The following SYT16 variants were observed in gnomAD, a reference collection of about 807,000 sequenced individuals.
SYT16 encodes the protein synaptotagmin 16.
Under a neutral mutation model 61.4 loss-of-function variants are expected in SYT16, and 42 were observed. The ratio of observed to expected loss-of-function variants is 0.68; its 90% CI spans 0.53 to 0.89. The LOEUF (loss-of-function observed/expected upper bound fraction) is 0.89, where lower values mean the gene tolerates loss of function less well. Ranked by LOEUF, SYT16 falls within the 40% of genes least tolerant of loss-of-function variation. The pLI, the probability that SYT16 is intolerant of heterozygous loss-of-function variation, is 0.00. For missense variants in SYT16, 804 were observed against 807.3 expected, an observed-to-expected ratio of 1.00 and a Z score of 0.05; for synonymous variants, 314 against 302.3, an observed-to-expected ratio of 1.04 and a Z score of -0.40.
At chr14:61,910,515 G>A (rs559909478) in intron 1 of SYT16, among the ~76,000 whole-genome samples, 1 of 131,202 alleles carries the variant, frequency 7.6e-6, no homozygotes, top group African/African-American at 2.8e-5. Flanking sequence ...CTGAGCCGCC[G>A]CATCCCGCTG....
At chr14:62,087,061 G>A (rs928063295) in intron 7 of SYT16, among the ~76,000 whole-genome samples, 1 of 152,176 alleles carries the variant, frequency 6.6e-6, no homozygotes, top group Non-Finnish European at 1.5e-5. Context: ...GATGTCGACG[G>A]CCTTGGTTTT....
At chr14:61,921,765 G>C (rs1193414569) in intron 1 of SYT16, among the ~76,000 whole-genome samples, 1 of 152,176 alleles carries the variant, frequency 6.6e-6, no homozygotes, top group Non-Finnish European at 1.5e-5. Context: ...AACCCAGCAA[G>C]AGAGAGTGGA....
chr14:61,869,257 A>G (rs1014395757), intron 1 of SYT16, among the ~76,000 whole-genome samples: 10 of 151,932 alleles, frequency 6.6e-5, no homozygotes, highest in African/African-American at 2.4e-4. Context: ...GTGAGTTTAG[A>G]CATTTCCATT....
rs1048213122 is a variant in SYT16, at chr14:62,108,878, A to G, written c.*8171A>G. ...GAGATCTACTTTTTAAGAAATTAAT[A>G]AATTTTATTTTTTAGAGTTTTAGGT... On this transcript the variant is annotated 3_prime_UTR_variant, in exon 8 of 8. Transcript: ENST00000683842. 1 of 152,170 alleles carries G rather than the reference A, an allele frequency of 6.6e-6. No individual in the cohort carries two copies. The highest frequency in any genetic ancestry group is 2.4e-5 in the African/African-American group (1 of 41,440). The allele number at this position is 152,170 out of a possible 1,614,324, so 9.4% of individuals were successfully genotyped here.
At chr14:61,936,194 A>G (rs562256401) in intron 1 of SYT16, among the ~76,000 whole-genome samples, 1 of 152,302 alleles carries the variant, frequency 6.6e-6, no homozygotes, top group East Asian at 1.9e-4. Flanking sequence ...TCTTCCTTGG[A>G]GAGAATCGTG....
intron 1 of SYT16, among the ~76,000 whole-genome samples, chr14:61,816,085 A>C (rs552790754): frequency 6.6e-6 from 1 of 152,332 alleles, no homozygotes; most frequent in African/African-American, 2.4e-5. Flanking sequence ...AAAAGGAGAC[A>C]TCTGTCCCCG....
intron 7 of SYT16, among the ~76,000 whole-genome samples, chr14:62,093,842 G>A (rs67069810): frequency 0.2 from 30,685 of 152,072 alleles, 3,227 homozygotes; most frequent in East Asian, 0.3. Context: ...AGACTAGGCT[G>A]TGATGTAATG....
intron 2 of SYT16, among the ~76,000 whole-genome samples, chr14:61,991,330 TTGTGTGTGTGTG>T (rs71117861): frequency 2.0e-4 from 30 of 146,478 alleles, no homozygotes; most frequent in African/African-American, 7.3e-4. Context: ...TGTTTTTCAT[TTGTGTGTGTGTG>T]TGTGTGTGTG....
At chr14:61,916,216 G>GTT (rs2049114768) in intron 1 of SYT16, among the ~76,000 whole-genome samples, 1 of 152,038 alleles carries the variant, frequency 6.6e-6, no homozygotes, top group Non-Finnish European at 1.5e-5. Context: ...CTTTTGTGGA[G>GTT]CAAAATTTGG....
intron 1 of SYT16, among the ~76,000 whole-genome samples, chr14:61,959,465 T>C (rs2051025256): frequency 1.3e-5 from 2 of 152,296 alleles, no homozygotes; most frequent in South Asian, 2.1e-4. Context: ...AGTTTATAGT[T>C]ATAGCAGTGT....
intron 7 of SYT16, among the ~76,000 whole-genome samples, chr14:62,087,057 G>C (rs764734428): frequency 6.6e-6 from 1 of 152,180 alleles, no homozygotes; most frequent in Admixed American, 6.5e-5. Context: ...TTTGGATGTC[G>C]ACGGCCTTGG....
intron 1 of SYT16, among the ~76,000 whole-genome samples, chr14:61,823,783 A>T (rs533900005): frequency 2.3e-4 from 35 of 152,220 alleles, no homozygotes; most frequent in African/African-American, 8.4e-4. Flanking sequence ...ATGTGATAGA[A>T]ATCTAGAAAC....
chr14:61,958,059 T>C (rs2050955114), intron 1 of SYT16, among the ~76,000 whole-genome samples: 1 of 151,884 alleles, frequency 6.6e-6, no homozygotes, highest in South Asian at 2.1e-4. Context: ...TTCTTCTAAG[T>C]TGTCTAATTC....
intron 1 of SYT16, among the ~76,000 whole-genome samples, chr14:61,835,872 G>A (rs2046112091): frequency 6.6e-6 from 1 of 152,064 alleles, no homozygotes; most frequent in South Asian, 2.1e-4. Context: ...TTCCTACCTG[G>A]CTCACAGAAA....
intron 1 of SYT16, among the ~76,000 whole-genome samples, chr14:61,895,666 A>T (rs1462065208): frequency 4.6e-5 from 7 of 152,100 alleles, no homozygotes; most frequent in African/African-American, 1.7e-4. Context: ...CTACTACCAC[A>T]CCACTGATGC....
intron 1 of SYT16, among the ~76,000 whole-genome samples, chr14:61,891,242 G>GCACACACACACACACA (rs34375502): frequency 4.7e-5 from 7 of 147,896 alleles, no homozygotes; most frequent in East Asian, 2.0e-4. Flanking sequence ...ACACACACGC[G>GCACACACACACACACA]CACACACACA....
At chr14:61,991,034 T>G (rs1031049125) in intron 2 of SYT16, among the ~76,000 whole-genome samples, 1 of 152,184 alleles carries the variant, frequency 6.6e-6, no homozygotes, top group Admixed American at 6.6e-5. Context: ...TATTTATGGC[T>G]TTTTAAAATC....
intron 3 of SYT16, among the ~76,000 whole-genome samples, chr14:62,033,343 A>G (rs1000319578): frequency 6.6e-6 from 1 of 152,134 alleles, no homozygotes. Flanking sequence ...AATCTTGGTT[A>G]TCATATGAGG....
intron 1 of SYT16, among the ~76,000 whole-genome samples, chr14:61,883,062 T>C (rs1380748282): frequency 6.6e-6 from 1 of 152,220 alleles, no homozygotes; most frequent in East Asian, 1.9e-4. Context: ...GTCCTGAGGC[T>C]GCACAGAGCA....
Sources: gnomAD v4.1 joint callset for allele counts (sites outside exome capture counted in the v4.1 genomes callset) on GRCh38, gnomAD v4.1.1 for gene constraint, MANE v1.5 for transcripts, NCBI Gene and HGNC (gene_info 2026-07-23, HGNC 2026-07-21) for gene names.